The following IRAG2 variants were observed in gnomAD, a reference collection of about 807,000 sequenced individuals.
The protein encoded by IRAG2 is inositol 1,4,5-triphosphate receptor associated 2.
IRAG2 carries 45 observed loss-of-function variants against 69.9 expected under a neutral mutation model. That is an observed-to-expected ratio of 0.64 (90% CI 0.51 to 0.83). The LOEUF is 0.83. IRAG2 is among the 40% of genes least tolerant of loss of function. The pLI, the probability that IRAG2 is intolerant of heterozygous loss-of-function variation, is 0.00. For missense variants in IRAG2, 520 were observed against 587.0 expected (o/e 0.89, Z 1.18); for synonymous variants, 193 against 202.4 (o/e 0.95, Z 0.40).
chr12:25,082,702 T>G (rs1397268112), intron 9 of IRAG2, among the ~76,000 whole-genome samples: 1 of 152,194 alleles, frequency 6.6e-6, no homozygotes, highest in Non-Finnish European at 1.5e-5. Flanking sequence ...AGAAATTGCT[T>G]ACCATTTTGT....
chr12:25,056,267 A>G (rs2139923658), intron 1 of IRAG2, among the ~76,000 whole-genome samples: 1 of 152,286 alleles, frequency 6.6e-6, no homozygotes, highest in South Asian at 2.1e-4. Context: ...GGGTGAAGGG[A>G]TCCAGGTGAT....
chr12:25,080,477 G>T (rs767761063), intron 9 of IRAG2, among the ~76,000 whole-genome samples: 3 of 151,070 alleles, frequency 2.0e-5, no homozygotes, highest in Non-Finnish European at 2.9e-5. Context: ...TCAGCCTCCC[G>T]AGTAGCTGGG....
At chr12:25,035,270 T>C (rs1413846706) in intron 13 of IRAG2, among the ~76,000 whole-genome samples, 1 of 152,204 alleles carries the variant, frequency 6.6e-6, no homozygotes, top group Non-Finnish European at 1.5e-5. Flanking sequence ...TATGGTCTTT[T>C]ATGAATGGAA....
upstream of IRAG2, among the ~76,000 whole-genome samples, chr12:25,002,185 G>A (rs4963843): frequency 0.098 from 14,910 of 152,172 alleles, 903 homozygotes; most frequent in Non-Finnish European, 0.14. Flanking sequence ...TGTCATTACT[G>A]CTACTGCACT....
chr12:25,057,324 T>C (rs577890419), intron 1 of IRAG2, among the ~76,000 whole-genome samples: 1 of 129,528 alleles, frequency 7.7e-6, no homozygotes, highest in East Asian at 2.5e-4. Flanking sequence ...GGTGGTGGGA[T>C]CATGGCTCAC....
chr12:25,006,426 T>G (rs1944430592), intron 2 of IRAG2: 1 of 152,228 alleles, frequency 6.6e-6, no homozygotes, highest in Non-Finnish European at 1.5e-5. Context: ...TGCACTTATA[T>G]GTTCATCACA....
chr12:25,027,203 C>A (rs1565529233), intron 9 of IRAG2, among the ~76,000 whole-genome samples: 1 of 151,950 alleles, frequency 6.6e-6, no homozygotes, highest in South Asian at 2.1e-4. Flanking sequence ...TTTTACCATC[C>A]CCCACCCACC....
At chr12:25,067,171 G>A (rs1230903674) in intron 5 of IRAG2, among the ~76,000 whole-genome samples, 1 of 151,898 alleles carries the variant, frequency 6.6e-6, no homozygotes, top group Non-Finnish European at 1.5e-5. Context: ...ACACATCTTT[G>A]GGAACCTGTC....
chr12:25,079,302 T>G lies in IRAG2; in HGVS notation c.71+12T>G, dbSNP rs757255277. On this transcript the variant is annotated intron_variant, in intron 7 of 21. Transcript: ENST00000556887. Reference sequence around the variant, plus strand: ...CTGCTGCAGTCCAGGTTTGCTTGTTTGTGTTGTGTGTGTGAATTTGTATGC... The same window carrying G: ...CTGCTGCAGTCCAGGTTTGCTTGTTGGTGTTGTGTGTGTGAATTTGTATGC... The G allele has an allele frequency of 6.2e-7, 1 of 1,613,838 alleles. No individual in the cohort carries two copies. The highest frequency in any genetic ancestry group is 2.2e-5 in the East Asian group (1 of 44,874).
At chr12:25,051,424 T>C (rs1172968649), upstream of IRAG2, among the ~76,000 whole-genome samples, 1 of 152,238 alleles carries the variant, frequency 6.6e-6, no homozygotes, top group Non-Finnish European at 1.5e-5. Flanking sequence ...CCTTGCTGTT[T>C]TGCAACTCCC....
intron 2 of IRAG2, among the ~76,000 whole-genome samples, chr12:25,006,851 CT>C (rs1402742126): frequency 6.6e-6 from 1 of 151,786 alleles, no homozygotes; most frequent in Non-Finnish European, 1.5e-5. Flanking sequence ...CATACACCCC[CT>C]GAACCTAAAA....
intron 9 of IRAG2, among the ~76,000 whole-genome samples, chr12:25,082,369 C>A (rs756895071): frequency 5.9e-5 from 9 of 151,928 alleles, no homozygotes; most frequent in Non-Finnish European, 1.3e-4. Context: ...GAGGCTGAGG[C>A]AGCAGGATTG....
intron 14 of IRAG2, among the ~76,000 whole-genome samples, chr12:25,096,548 A>G (rs912704934): frequency 2.0e-5 from 3 of 152,214 alleles, no homozygotes; most frequent in Non-Finnish European, 4.4e-5. Flanking sequence ...TTAAAATTCC[A>G]ACCTATGCTC....
At chr12:25,012,041 T>G (rs549476966) in intron 3 of IRAG2, among the ~76,000 whole-genome samples, 1 of 149,296 alleles carries the variant, frequency 6.7e-6, no homozygotes, top group South Asian at 2.1e-4. Flanking sequence ...AATAGTAGAA[T>G]AGGAAAAAGA....
At chr12:25,060,182 C>T (rs1163865125) in intron 1 of IRAG2, among the ~76,000 whole-genome samples, 1 of 152,056 alleles carries the variant, frequency 6.6e-6, no homozygotes, top group Non-Finnish European at 1.5e-5. Context: ...GAGCCCACTG[C>T]TTGAGTTGAA....
intron 9 of IRAG2, among the ~76,000 whole-genome samples, chr12:25,082,062 T>G (rs1180109908): frequency 1.3e-5 from 2 of 151,968 alleles, no homozygotes; most frequent in Non-Finnish European, 2.9e-5. Flanking sequence ...ATTTGACTAA[T>G]TAAAAAAAAA....
chr12:25,080,545 A>G (rs1272030581), intron 9 of IRAG2, among the ~76,000 whole-genome samples: 6 of 151,792 alleles, frequency 4.0e-5, no homozygotes, highest in Admixed American at 1.3e-4. Flanking sequence ...GTAGAGACGG[A>G]GTTTCACCGT....
chr12:25,093,513 T>C (rs1488705130), intron 14 of IRAG2: 1 of 152,974 alleles, frequency 6.5e-6, no homozygotes, highest in East Asian at 1.9e-4. Context: ...ATCGCTGAGT[T>C]TGAGTTTTCT....
chr12:25,011,866 TCA>T (rs1565525535), intron 3 of IRAG2, among the ~76,000 whole-genome samples: 1 of 152,208 alleles, frequency 6.6e-6, no homozygotes, highest in Non-Finnish European at 1.5e-5. Context: ...TGTGATACTC[TCA>T]CAGAGAATTG....
Sources: allele counts gnomAD v4.1 joint callset (sites outside exome capture counted in the v4.1 genomes callset), GRCh38; gene constraint gnomAD v4.1.1; transcripts MANE v1.5; gene names NCBI Gene and HGNC (gene_info 2026-07-23, HGNC 2026-07-21).